The following HCN1 variants were observed in gnomAD, a reference collection of about 807,000 sequenced individuals.
The protein encoded by HCN1 is potassium/sodium hyperpolarization-activated cyclic nucleotide-gated channel 1.
HCN1 carries 13 observed loss-of-function variants against 78.9 expected under a neutral mutation model. The observed-to-expected ratio is 0.16, with a 90% CI of 0.11 to 0.26. The LOEUF (loss-of-function observed/expected upper bound fraction) is 0.26. Among genes scored for constraint, HCN1 ranks in the 10% least tolerant of loss-of-function variants. HCN1 has a pLI of 1.00. For synonymous variants in HCN1, 552 were observed against 455.5 expected (o/e 1.21, Z -2.70); for missense variants, 810 against 1,154.3 (o/e 0.70, Z 4.32).
At chr5:45,371,533 CA>C in intron 4 of HCN1, among the ~76,000 whole-genome samples, 1 of 151,486 alleles carries the variant, frequency 6.6e-6, no homozygotes, top group African/African-American at 2.4e-5. Context: ...CCGAGGTGGA[CA>C]GATCACGAGG....
intron 4 of HCN1, among the ~76,000 whole-genome samples, chr5:45,388,248 C>T (rs2112032233): frequency 6.6e-6 from 1 of 152,266 alleles, no homozygotes; most frequent in South Asian, 2.1e-4. Flanking sequence ...AATCTCTTCT[C>T]TGCTTGTTCC....
intron 4 of HCN1, among the ~76,000 whole-genome samples, chr5:45,363,347 G>T (rs1747163946): frequency 6.6e-6 from 1 of 151,434 alleles, no homozygotes; most frequent in African/African-American, 2.4e-5. Context: ...ACCTAGAGTT[G>T]CATGGTCTTC....
At chr5:45,267,474 A>C (rs1464224037) in intron 6 of HCN1, among the ~76,000 whole-genome samples, 5 of 151,986 alleles carry the variant, frequency 3.3e-5, no homozygotes, top group Non-Finnish European at 5.9e-5. Flanking sequence ...AAAAAAAAAA[A>C]AAACAGTTGA....
chr5:45,394,194 C>T (rs138850248), intron 4 of HCN1, among the ~76,000 whole-genome samples: 261 of 152,246 alleles, frequency 1.7e-3, no homozygotes, highest in East Asian at 5.8e-3. Flanking sequence ...AGTCTGCGAA[C>T]GCTGGAGTCT....
chr5:45,312,965 GC>G (rs1472518807), intron 5 of HCN1, among the ~76,000 whole-genome samples: 4 of 152,154 alleles, frequency 2.6e-5, no homozygotes, highest in African/African-American at 9.7e-5. Flanking sequence ...ACAAAAGGCA[GC>G]AGAAACCTCT....
At chr5:45,382,968 C>T (rs1226941251) in intron 4 of HCN1, among the ~76,000 whole-genome samples, 1 of 152,090 alleles carries the variant, frequency 6.6e-6, no homozygotes, top group Admixed American at 6.6e-5. Context: ...TTTTTCTTAT[C>T]TCTAAAATGT....
At chr5:45,482,787 C>T (rs1174743784) in intron 2 of HCN1, among the ~76,000 whole-genome samples, 3 of 152,094 alleles carry the variant, frequency 2.0e-5, no homozygotes, top group Admixed American at 2.0e-4. Context: ...GTCCACAGGG[C>T]CTATTGTTTG....
chr5:45,406,717 A>G (rs1273752337), intron 3 of HCN1, among the ~76,000 whole-genome samples: 1 of 152,184 alleles, frequency 6.6e-6, no homozygotes, highest in Non-Finnish European at 1.5e-5. Flanking sequence ...TAACCATAAC[A>G]GAGAAATTCT....
At chr5:45,538,739 C>T (rs1207228507) in intron 2 of HCN1, among the ~76,000 whole-genome samples, 2 of 152,090 alleles carry the variant, frequency 1.3e-5, no homozygotes, top group African/African-American at 4.8e-5. Context: ...ATCGAATTGA[C>T]ATACCAATAG....
At chr5:45,541,712 CTG>C (rs1743110673) in intron 2 of HCN1, among the ~76,000 whole-genome samples, 1 of 152,162 alleles carries the variant, frequency 6.6e-6, no homozygotes, top group African/African-American at 2.4e-5. Context: ...AAACAGAACA[CTG>C]TGGCTTACTG....
intron 3 of HCN1, among the ~76,000 whole-genome samples, chr5:45,440,495 T>C (rs1740648755): frequency 6.6e-6 from 1 of 152,178 alleles, no homozygotes; most frequent in East Asian, 1.9e-4. Context: ...CTCAGAAATA[T>C]GACACACATT....
intron 5 of HCN1, among the ~76,000 whole-genome samples, chr5:45,327,055 T>A: frequency 6.6e-6 from 1 of 151,724 alleles, no homozygotes; most frequent in Middle Eastern, 3.4e-3. Context: ...ATTAGAGAAT[T>A]TGTATCTCTG....
chr5:45,593,536 G>C (rs1451053419), intron 2 of HCN1, among the ~76,000 whole-genome samples: 1 of 151,960 alleles, frequency 6.6e-6, no homozygotes. Flanking sequence ...ATGTTTAAGA[G>C]ACAGACAAGG....
intron 2 of HCN1, among the ~76,000 whole-genome samples, chr5:45,500,232 C>T (rs1742161599): frequency 6.6e-6 from 1 of 152,104 alleles, no homozygotes; most frequent in African/African-American, 2.4e-5. Flanking sequence ...TAGCCTATGT[C>T]CAGCCCTGGC....
chr5:45,612,366 C>T (rs1302872992), intron 2 of HCN1, among the ~76,000 whole-genome samples: 2 of 152,170 alleles, frequency 1.3e-5, no homozygotes, highest in Non-Finnish European at 2.9e-5. Context: ...GGCACTAAGT[C>T]TCTTGGAGGC....
intron 6 of HCN1, among the ~76,000 whole-genome samples, chr5:45,302,326 G>C (rs1219171135): frequency 6.6e-6 from 1 of 151,986 alleles, no homozygotes; most frequent in Non-Finnish European, 1.5e-5. Context: ...GAAGTTGCTT[G>C]TCTCTCCTTC....
At chr5:45,545,228 T>C (rs887185703) in intron 2 of HCN1, among the ~76,000 whole-genome samples, 1 of 152,246 alleles carries the variant, frequency 6.6e-6, no homozygotes, top group Non-Finnish European at 1.5e-5. Flanking sequence ...CATGTGTCTG[T>C]TGGCTGCATA....
intron 3 of HCN1, among the ~76,000 whole-genome samples, chr5:45,450,447 C>A (rs1740893737): frequency 6.6e-6 from 1 of 152,120 alleles, no homozygotes; most frequent in Non-Finnish European, 1.5e-5. Context: ...ATTTGAATGT[C>A]TCTTTCCTAA....
intron 2 of HCN1, among the ~76,000 whole-genome samples, chr5:45,551,796 T>C (rs891603140): frequency 6.6e-6 from 1 of 151,962 alleles, no homozygotes; most frequent in African/African-American, 2.4e-5. Flanking sequence ...ATCTTGAATA[T>C]AATGAAGAAA....
Sources: gnomAD v4.1 joint callset for allele counts (sites outside exome capture counted in the v4.1 genomes callset) on GRCh38, gnomAD v4.1.1 for gene constraint, MANE v1.5 for transcripts, NCBI Gene and HGNC (gene_info 2026-07-23, HGNC 2026-07-21) for gene names.